Variants in ADAM12 observed in about 807,000 individuals in gnomAD.
ADAM12 encodes the protein disintegrin and metalloproteinase domain-containing protein 12.
Under a neutral mutation model 106.4 loss-of-function variants are expected in ADAM12, and 70 were observed. The observed-to-expected ratio is 0.66, with a 90% confidence interval of 0.54 to 0.80. ADAM12 has a LOEUF of 0.80. Ranked by LOEUF, ADAM12 falls within the 30% of genes least tolerant of loss-of-function variation. The pLI is 0.00. For synonymous variants in ADAM12, 420 were observed against 433.5 expected, an observed-to-expected ratio of 0.97 and a Z score of 0.39; for missense variants, 1,010 against 1,171.9, an observed-to-expected ratio of 0.86 and a Z score of 2.02.
Position 126,038,249 on chromosome 10 carries a change from G to C in ADAM12, c.2341C>G (p.Pro781Ala), listed in dbSNP as rs1330221845. 6.2e-7 allele frequency: 1 copy of C among 1,609,524 alleles called. No homozygotes were observed. Among genetic ancestry groups the C allele is most frequent in the East Asian group, 2.2e-5 (1 of 44,788 alleles). Reference protein sequence around the residue: ...GLMRKPPDSYPPKDNPRRLLQ... With the variant: ...GLMRKPPDSYAPKDNPRRLLQ... ...ATCTACTCAAGACTCACCTTCGGTG[G>C]GTAGGAATCTGGCGGCTTCCTCATC... Residue 781 changes from proline (P) to alanine (A), a missense_variant, in exon 20 of 23, where the codon CCA (proline) becomes GCA (alanine). This residue lies in a region of ADAM12 where 615 missense variants were observed against 708.5 expected (regional missense o/e 0.87). Coordinates refer to ENST00000448723, the MANE Select transcript of ADAM12 (RefSeq NM_001288973.2).
At chr10:126,347,670 T>C (rs1170399897) in intron 1 of ADAM12, among the ~76,000 whole-genome samples, 2 of 152,258 alleles carry the variant, frequency 1.3e-5, no homozygotes, top group Non-Finnish European at 2.9e-5. Context: ...GTGCATTTAC[T>C]TATCACTGAA....
At chr10:126,214,021 C>T (rs982344942) in intron 3 of ADAM12, among the ~76,000 whole-genome samples, 1 of 152,102 alleles carries the variant, frequency 6.6e-6, no homozygotes, top group Non-Finnish European at 1.5e-5. Context: ...ATAACGTGAC[C>T]CAATAAATCA....
intron 1 of ADAM12, among the ~76,000 whole-genome samples, chr10:126,355,056 G>T (rs1855491184): frequency 6.6e-6 from 1 of 152,104 alleles, no homozygotes; most frequent in Non-Finnish European, 1.5e-5. Context: ...TTATAATTGT[G>T]TTGAGTGAAT....
intron 3 of ADAM12, among the ~76,000 whole-genome samples, chr10:126,226,159 C>T (rs1958190418): frequency 8.0e-6 from 1 of 125,424 alleles, no homozygotes; most frequent in Non-Finnish European, 1.6e-5. Context: ...AAACCGGGTG[C>T]TCTGCATAAT....
At position 126,060,670 on chromosome 10, in the gene ADAM12, T is replaced by C. The variant is rs142486118; in HGVS notation, c.1609+4136A>G. On this transcript the variant is annotated intron_variant, in intron 14 of 22. Coordinates refer to ENST00000448723, the MANE Select transcript of ADAM12 (RefSeq NM_001288973.2). ...CAACAAAGCATTGAAATGTTCTCAA[T>C]GGTATATCTGGCTGGCCAGGGGCCT... Among the ~76,000 whole-genome samples, 18 of 152,338 alleles carry C rather than the reference T, an allele frequency of 1.2e-4. No homozygotes were observed. In the East Asian group the frequency reaches 3.5e-3, roughly 29 times the overall value.
intron 3 of ADAM12, among the ~76,000 whole-genome samples, chr10:126,255,760 G>A (rs182999461): frequency 2.0e-5 from 3 of 152,200 alleles, no homozygotes; most frequent in Non-Finnish European, 4.4e-5. Context: ...TACTCTGAAG[G>A]GGGGATGGCA....
At chr10:126,059,895 A>G (rs958595215) in intron 14 of ADAM12, among the ~76,000 whole-genome samples, 2 of 152,258 alleles carry the variant, frequency 1.3e-5, no homozygotes, top group African/African-American at 4.8e-5. Flanking sequence ...GCTATATTTC[A>G]GAAGGAGTAA....
At position 126,056,521 on chromosome 10, in the gene ADAM12, T is replaced by C. The variant is rs1228958947; in HGVS notation, c.1610-6852A>G. On this transcript the variant is annotated intron_variant, in intron 14 of 22. Coordinates refer to ENST00000448723, the MANE Select transcript of ADAM12 (RefSeq NM_001288973.2). ...AGATACGATCTTTTGCTTCCTTTTA[T>C]CAGTCCTCTGAAACTGCTGCTGCTT... Among the ~76,000 whole-genome samples, 6 of 152,360 alleles carry C rather than the reference T, an allele frequency of 3.9e-5. No individual in the cohort carries two copies. The East Asian group carries it at 1.2e-3, about 29-fold the overall frequency.
intron 3 of ADAM12, among the ~76,000 whole-genome samples, chr10:126,230,104 T>C (rs1244711909): frequency 3.9e-5 from 6 of 152,170 alleles, no homozygotes; most frequent in Admixed American, 1.3e-4. Context: ...GGTACTCTCC[T>C]TTCCTGTCTT....
Position 126,356,332 on chromosome 10 carries a change from A to G in ADAM12, c.89-25823T>C, listed in dbSNP as rs79506497. On this transcript the variant is annotated intron_variant, in intron 1 of 22. Transcript: ENST00000448723. Reference sequence around the variant, plus strand: ...TTCTGCCTAATTACAGAGTTCAGCTAGTGCTCTCACCTGACACCTGAGCCC... The same window carrying G: ...TTCTGCCTAATTACAGAGTTCAGCTGGTGCTCTCACCTGACACCTGAGCCC... Among the ~76,000 whole-genome samples the G allele has an allele frequency of 8.6e-3, 1,312 of 152,292 alleles. 25 individuals are homozygous for G. The highest frequency in any genetic ancestry group is 0.03 in the African/African-American group (1,248 of 41,562).
At chr10:126,127,340 A>G (rs546188993) in intron 5 of ADAM12, among the ~76,000 whole-genome samples, 1 of 152,266 alleles carries the variant, frequency 6.6e-6, no homozygotes, top group South Asian at 2.1e-4. Flanking sequence ...TTCCATGCCA[A>G]TTTCCTCCTT....
chr10:126,074,252 CA>C (rs1955055893), intron 11 of ADAM12, among the ~76,000 whole-genome samples: 1 of 152,192 alleles, frequency 6.6e-6, no homozygotes, highest in African/African-American at 2.4e-5. Context: ...GCCAGAATCA[CA>C]GCAATTAAGA....
At chr10:126,086,706 T>TATATATAA (rs1421464288) in intron 11 of ADAM12, among the ~76,000 whole-genome samples, 4 of 65,200 alleles carry the variant, frequency 6.1e-5, no homozygotes, top group Admixed American at 2.1e-4. Context: ...TATATATATA[T>TATATATAA]AAAATAAAAT....
chr10:126,179,908 G>A (rs1288671866), intron 3 of ADAM12, among the ~76,000 whole-genome samples: 1 of 152,136 alleles, frequency 6.6e-6, no homozygotes, highest in Non-Finnish European at 1.5e-5. Context: ...TGTGGTGACC[G>A]CACACCAATG....
rs555716469 is a variant in ADAM12 at position 126,098,479 on chromosome 10, G to C, written c.933C>G (p.Thr311=). ...TCATGATTGGGGCCATGCCGATGGT[G>C]GTCCCTTGGAAATAAACCCCACTAG... is the stretch of plus-strand genomic sequence containing the variant. ...QLVSGVYFQG[T]TIGMAPIMSM... Residue 311 remains threonine (T), a synonymous_variant, in exon 10 of 23, where the codon ACC becomes ACG. Coordinates refer to ENST00000448723, the MANE Select transcript of ADAM12 (RefSeq NM_001288973.2). The C allele has an allele frequency of 2.2e-5, 36 of 1,613,924 alleles. 1 individual carries two copies. In the Middle Eastern group the frequency reaches 6.6e-4, roughly 30 times the overall value.
intron 4 of ADAM12, among the ~76,000 whole-genome samples, chr10:126,141,174 G>A (rs566550254): frequency 8.5e-5 from 13 of 152,352 alleles, no homozygotes; most frequent in Non-Finnish European, 1.8e-4. Flanking sequence ...CCCCTGACCT[G>A]TTGATCACTG....
intron 3 of ADAM12, among the ~76,000 whole-genome samples, chr10:126,193,211 G>A (rs1957535435): frequency 7.2e-6 from 1 of 138,114 alleles, no homozygotes. Flanking sequence ...GTTGCAGTGA[G>A]CCGAGATTGT....
chr10:126,213,453 G>A (rs865962248), intron 3 of ADAM12, among the ~76,000 whole-genome samples: 8 of 152,276 alleles, frequency 5.3e-5, no homozygotes, highest in Middle Eastern at 3.4e-3. Flanking sequence ...AAGACAAGCA[G>A]GAAAACAAGA....
chr10:126,069,131 C>A (rs1275490602), intron 12 of ADAM12, among the ~76,000 whole-genome samples: 2 of 152,110 alleles, frequency 1.3e-5, no homozygotes, highest in Non-Finnish European at 2.9e-5. Context: ...GGATAAAGAA[C>A]CCAGGTTAAC....
Sources: allele counts gnomAD v4.1 joint callset (sites outside exome capture counted in the v4.1 genomes callset), GRCh38; gene constraint gnomAD v4.1.1; regional missense constraint gnomAD v4.1.1; transcripts MANE v1.5; gene names NCBI Gene and HGNC (gene_info 2026-07-23, HGNC 2026-07-21).